Variants in DNAJC24 observed in about 807,000 individuals in gnomAD.
DNAJC24 encodes the protein DnaJ heat shock protein family (Hsp40) member C24.
DNAJC24 carries 17 observed loss-of-function variants against 18.0 expected under a neutral mutation model. That is an observed-to-expected ratio of 0.94 (90% CI 0.65 to 1.42). The LOEUF is 1.42. Among genes scored for constraint, DNAJC24 ranks in the 40% most tolerant of loss-of-function variants. DNAJC24 has a pLI of 0.00. For missense variants in DNAJC24, 158 were observed against 175.6 expected (o/e 0.90, Z 0.57); for synonymous variants, 55 against 57.7 (o/e 0.95, Z 0.21).
chr11:31,392,716 T>C (rs1211230500), intron 2 of DNAJC24, among the ~76,000 whole-genome samples: 4 of 150,562 alleles, frequency 2.7e-5, no homozygotes, highest in Admixed American at 2.6e-4. Context: ...TTTCTTTTTT[T>C]TTTTTTTTTT....
At chr11:31,400,927 C>G (rs1952594881) in intron 2 of DNAJC24, among the ~76,000 whole-genome samples, 1 of 152,116 alleles carries the variant, frequency 6.6e-6, no homozygotes, top group Non-Finnish European at 1.5e-5. Context: ...AAACTATCAT[C>G]AGAGTGAACA....
rs151059734 is a variant in DNAJC24 at position 31,413,566 on chromosome 11, T to G, written c.112-1245T>G. Among the ~76,000 whole-genome samples the G allele has an allele frequency of 5.6e-3, 846 of 152,130 alleles. 10 individuals are homozygous for G. The highest frequency in any genetic ancestry group is 0.02 in the African/African-American group (813 of 41,490). ...CCAGGATGGTCTCGATCTCCTGACC[T>G]TGTGATCCGCCCGCCTTGGCCTCCC... On this transcript the variant is annotated intron_variant, in intron 2 of 4. Transcript: ENST00000465995.
chr11:31,404,849 T>C (rs1952638837), intron 2 of DNAJC24, among the ~76,000 whole-genome samples: 1 of 151,780 alleles, frequency 6.6e-6, no homozygotes, highest in African/African-American at 2.4e-5. Context: ...TATTGGGGCA[T>C]TGCAAGACAG....
chr11:31,398,887 T>G (rs892175898), intron 2 of DNAJC24, among the ~76,000 whole-genome samples: 1 of 152,164 alleles, frequency 6.6e-6, no homozygotes, highest in Non-Finnish European at 1.5e-5. Flanking sequence ...TGACATCAGT[T>G]TCTTGAGTCC....
intron 2 of DNAJC24, among the ~76,000 whole-genome samples, chr11:31,393,389 G>A (rs983177901): frequency 3.3e-5 from 5 of 152,156 alleles, no homozygotes; most frequent in Non-Finnish European, 7.3e-5. Context: ...AGCAGGCAAG[G>A]TGTGCTGTGG....
intron 2 of DNAJC24, among the ~76,000 whole-genome samples, chr11:31,407,927 C>T (rs1591915025): frequency 6.7e-6 from 1 of 149,706 alleles, no homozygotes; most frequent in Non-Finnish European, 1.5e-5. Flanking sequence ...AAAAAATAAA[C>T]AGGTTAAAAT....
chr11:31,406,690 A>G (rs1185513138), intron 2 of DNAJC24, among the ~76,000 whole-genome samples: 2 of 152,202 alleles, frequency 1.3e-5, no homozygotes, highest in Non-Finnish European at 2.9e-5. Context: ...ACTTTGAAGC[A>G]GGTAAGATGG....
rs572392600 is a variant in DNAJC24, at chr11:31,398,906, A to G, written c.112-15905A>G. Among the ~76,000 whole-genome samples, 5 of 152,288 alleles carry G rather than the reference A, an allele frequency of 3.3e-5. No individual in the cohort carries two copies. The East Asian group carries it at 9.6e-4, about 29-fold the overall frequency. ...ATCAGTTTCTTGAGTCCTTAATTGT[A>G]TAAAAAAACATCTTTTCCCTGAACC... is the stretch of plus-strand genomic sequence containing the variant. On this transcript the variant is annotated intron_variant, in intron 2 of 4. Transcript: ENST00000465995.
At chr11:31,392,550 T>G (rs1952507436) in intron 2 of DNAJC24, among the ~76,000 whole-genome samples, 1 of 152,070 alleles carries the variant, frequency 6.6e-6, no homozygotes, top group Non-Finnish European at 1.5e-5. Context: ...TATTTTTTCC[T>G]TACAAATATA....
intron 2 of DNAJC24, among the ~76,000 whole-genome samples, chr11:31,392,104 G>T (rs1952502105): frequency 6.6e-6 from 1 of 152,180 alleles, no homozygotes; most frequent in Admixed American, 6.5e-5. Context: ...GCTGGAGAGG[G>T]TAGATAGGTG....
intron 4 of DNAJC24, chr11:31,429,992 A>T (rs1206162037): frequency 4.2e-6 from 1 of 235,738 alleles, no homozygotes; most frequent in African/African-American, 2.2e-5. Flanking sequence ...AATAAGTTTC[A>T]TGGGTTACTT....
intron 2 of DNAJC24, among the ~76,000 whole-genome samples, chr11:31,396,937 A>G (rs1473959164): frequency 6.6e-6 from 1 of 151,986 alleles, no homozygotes. Context: ...CTTGCCTTGT[A>G]TTTGCTACTT....
At position 31,426,361 on chromosome 11, in the gene DNAJC24, A is replaced by G; in HGVS notation, c.319+6A>G. 2.8e-6 allele frequency: 4 copies of G among 1,418,554 alleles called. No individual in the cohort carries two copies. The highest frequency in any genetic ancestry group is 3.8e-6 in the Non-Finnish European group (4 of 1,051,144). 87.9% of individuals were successfully genotyped at this position (1,418,554 alleles called of 1,614,324 possible). A position where few individuals can be genotyped will look rare whatever the true frequency, so the allele number is the denominator to read the frequency against. ...AGAAATGTCTTGGAATGAAGGTTGG[A>G]TTTTTTTTTTCTCTTGACAACATTT... On this transcript the variant is annotated splice_donor_region_variant and intron_variant, in intron 4 of 4. Coordinates refer to ENST00000465995, the MANE Select transcript of DNAJC24 (RefSeq NM_181706.5).
chr11:31,408,429 T>C (rs1035691592), intron 2 of DNAJC24: 2 of 276,902 alleles, frequency 7.2e-6, no homozygotes, highest in Admixed American at 9.6e-5. Flanking sequence ...TGACACATTG[T>C]GACAGTCACT....
intron 2 of DNAJC24, among the ~76,000 whole-genome samples, chr11:31,371,268 G>T (rs989164738): frequency 2.0e-5 from 3 of 152,174 alleles, no homozygotes; most frequent in African/African-American, 7.2e-5. Flanking sequence ...GAGATGGACT[G>T]TAAGGGTAAA....
intron 2 of DNAJC24, among the ~76,000 whole-genome samples, chr11:31,383,734 A>G (rs578218425): frequency 6.6e-6 from 1 of 152,362 alleles, no homozygotes; most frequent in South Asian, 2.1e-4. Context: ...TGTGAGGAAA[A>G]AAGGGCAAGG....
At chr11:31,422,725 G>C (rs1345615622) in intron 3 of DNAJC24, among the ~76,000 whole-genome samples, 2 of 152,166 alleles carry the variant, frequency 1.3e-5, no homozygotes, top group Non-Finnish European at 2.9e-5. Context: ...AGTTACTTTA[G>C]AGGATGGGGA....
At chr11:31,376,425 A>T (rs1211145892) in intron 2 of DNAJC24, among the ~76,000 whole-genome samples, 1 of 152,158 alleles carries the variant, frequency 6.6e-6, no homozygotes, top group Non-Finnish European at 1.5e-5. Context: ...GCCATGAGTT[A>T]TGTTCAGTTA....
At chr11:31,408,625 C>T (rs960439201) in intron 2 of DNAJC24, among the ~76,000 whole-genome samples, 4 of 152,146 alleles carry the variant, frequency 2.6e-5, no homozygotes, top group African/African-American at 7.2e-5. Flanking sequence ...ACATACCAAT[C>T]CTGATGAAAT....
Sources: gnomAD v4.1 joint callset for allele counts (sites outside exome capture counted in the v4.1 genomes callset) on GRCh38, gnomAD v4.1.1 for gene constraint, MANE v1.5 for transcripts, NCBI Gene and HGNC (gene_info 2026-07-23, HGNC 2026-07-21) for gene names.